CADM2: variants seen among roughly 807,000 people sequenced by gnomAD.
The protein encoded by CADM2 is cell adhesion molecule 2, also known as immunoglobulin superfamily member 4D.
Under a neutral mutation model 49.8 loss-of-function variants are expected in CADM2, and 12 were observed. The observed-to-expected ratio is 0.24, with a 90% confidence interval of 0.15 to 0.39. The LOEUF is 0.39. CADM2 is among the 10% of genes least tolerant of loss of function. CADM2 has a pLI of 1.00. For synonymous variants in CADM2, 214 were observed against 175.4 expected (o/e 1.22, Z -1.74); for missense variants, 378 against 492.3 (o/e 0.77, Z 2.20).
intron 1 of CADM2, among the ~76,000 whole-genome samples, chr3:85,693,882 C>A (rs1277067997): frequency 7.9e-6 from 1 of 126,430 alleles, no homozygotes; most frequent in African/African-American, 3.0e-5. Flanking sequence ...GGCTACAGAG[C>A]AAGACTCCCT....
At chr3:86,044,438 C>T (rs1348169533) in intron 8 of CADM2, among the ~76,000 whole-genome samples, 2 of 152,170 alleles carry the variant, frequency 1.3e-5, no homozygotes, top group African/African-American at 2.4e-5. Context: ...GACATTTATG[C>T]AGCCAAAAGA....
chr3:85,858,104 G>A (rs1208585401), intron 3 of CADM2, among the ~76,000 whole-genome samples: 1 of 152,184 alleles, frequency 6.6e-6, no homozygotes, highest in Non-Finnish European at 1.5e-5. Flanking sequence ...CTGTAAAATT[G>A]TAGTATGAAG....
At chr3:85,649,534 A>G (rs1264455362) in intron 1 of CADM2, among the ~76,000 whole-genome samples, 1 of 152,210 alleles carries the variant, frequency 6.6e-6, no homozygotes, top group Non-Finnish European at 1.5e-5. Flanking sequence ...TAACCCAGAC[A>G]ACTGTAATGT....
intron 3 of CADM2, among the ~76,000 whole-genome samples, chr3:85,835,458 G>A (rs931343398): frequency 1.3e-5 from 2 of 150,902 alleles, no homozygotes. Flanking sequence ...GCTTTGCTAT[G>A]TACTGAGTCT....
rs113406209 is a variant in CADM2, at chr3:85,112,078, C to T, written c.61+152410C>T. ...ATGTTTACCAACTTATAAAGCATTC[C>T]TTTCCTATCCTTCCACATAGTTACA... is the stretch of plus-strand genomic sequence containing the variant. On this transcript the variant is annotated intron_variant, in intron 1 of 9. Coordinates refer to ENST00000383699, the MANE Select transcript of CADM2 (RefSeq NM_001167675.2). Among the ~76,000 whole-genome samples, 334 of 151,930 alleles carry T rather than the reference C, an allele frequency of 2.2e-3. 3 individuals carry two copies. Among genetic ancestry groups the T allele is most frequent in the African/African-American group, 7.2e-3 (299 of 41,522 alleles).
intron 3 of CADM2, among the ~76,000 whole-genome samples, chr3:85,877,695 T>TG (rs1712114862): frequency 6.8e-6 from 1 of 146,960 alleles, no homozygotes; most frequent in Admixed American, 6.7e-5. Flanking sequence ...TTTTTTTTTT[T>TG]TTTTTTTTGG....
chr3:85,723,778 T>C (rs542080096), intron 1 of CADM2, among the ~76,000 whole-genome samples: 1 of 152,106 alleles, frequency 6.6e-6, no homozygotes, highest in Non-Finnish European at 1.5e-5. Context: ...AATGATTTCT[T>C]ATAAAAGATT....
At chr3:85,428,652 A>AATATATAATATATC (rs1027783602) in intron 1 of CADM2, among the ~76,000 whole-genome samples, 7 of 145,576 alleles carry the variant, frequency 4.8e-5, no homozygotes, top group Non-Finnish European at 1.0e-4. Context: ...AATTATATAA[A>AATATATAATATATC]ATATATAATA....
At chr3:85,680,399 T>A (rs1303832337) in intron 1 of CADM2, among the ~76,000 whole-genome samples, 1 of 152,150 alleles carries the variant, frequency 6.6e-6, no homozygotes, top group East Asian at 1.9e-4. Flanking sequence ...TTTATCATAA[T>A]AGAAAAACAA....
chr3:85,721,672 C>T (rs9824701), intron 1 of CADM2, among the ~76,000 whole-genome samples: 1 of 152,016 alleles, frequency 6.6e-6, no homozygotes, highest in African/African-American at 2.4e-5. Flanking sequence ...GCACCGGGAA[C>T]CAAGGTAGTG....
intron 8 of CADM2, among the ~76,000 whole-genome samples, chr3:86,008,262 A>G (rs907505684): frequency 6.6e-6 from 1 of 152,114 alleles, no homozygotes; most frequent in Non-Finnish European, 1.5e-5. Context: ...ATTCCTTCAT[A>G]CCTGTAGCAT....
At chr3:85,145,482 C>A (rs1028850669) in intron 1 of CADM2, among the ~76,000 whole-genome samples, 1 of 151,498 alleles carries the variant, frequency 6.6e-6, no homozygotes, top group Non-Finnish European at 1.5e-5. Flanking sequence ...ATATTATTTG[C>A]AATTTTTTTT....
At chr3:85,363,767 G>A (rs959322562) in intron 1 of CADM2, among the ~76,000 whole-genome samples, 1 of 151,970 alleles carries the variant, frequency 6.6e-6, no homozygotes, top group Non-Finnish European at 1.5e-5. Flanking sequence ...GCCCGCCACC[G>A]CGCCCGGCTA....
intron 3 of CADM2, among the ~76,000 whole-genome samples, chr3:85,823,070 T>A (rs2073690638): frequency 6.6e-6 from 1 of 152,142 alleles, no homozygotes; most frequent in Non-Finnish European, 1.5e-5. Flanking sequence ...CCAACCTACA[T>A]ATTTAAAACT....
rs150654368 is a variant in CADM2, at chr3:84,990,934, G to A, written c.61+31266G>A. Among the ~76,000 whole-genome samples, 674 of 152,066 alleles carry A rather than the reference G, an allele frequency of 4.4e-3. 1 individual carries two copies. Among genetic ancestry groups the A allele is most frequent in the African/African-American group, 0.016 (651 of 41,520 alleles). ...TTTCTTGTTTTATTTGAGAAATAAG[G>A]TAAAATAATTTATAGACCTGTATAA... On this transcript the variant is annotated intron_variant, in intron 1 of 9. Coordinates refer to ENST00000383699, the MANE Select transcript of CADM2 (RefSeq NM_001167675.2).
At chr3:85,288,828 A>C (rs1313375124) in intron 1 of CADM2, among the ~76,000 whole-genome samples, 5 of 127,066 alleles carry the variant, frequency 3.9e-5, no homozygotes, top group African/African-American at 1.4e-4. Flanking sequence ...TTTCTCAGAG[A>C]TGAATTGACA....
At chr3:85,590,656 G>T (rs2107340322) in intron 1 of CADM2, among the ~76,000 whole-genome samples, 1 of 152,004 alleles carries the variant, frequency 6.6e-6, no homozygotes, top group East Asian at 1.9e-4. Context: ...AGAATTAAAG[G>T]AAAGGCTTTG....
At chr3:85,106,409 C>G (rs1387040113) in intron 1 of CADM2, among the ~76,000 whole-genome samples, 2 of 152,050 alleles carry the variant, frequency 1.3e-5, no homozygotes, top group African/African-American at 4.8e-5. Context: ...TTTGTAGCAT[C>G]CACCTGGTTT....
At chr3:84,992,259 A>AG (rs2032933482) in intron 1 of CADM2, among the ~76,000 whole-genome samples, 1 of 152,128 alleles carries the variant, frequency 6.6e-6, no homozygotes, top group Admixed American at 6.5e-5. Flanking sequence ...TACTCCAAAA[A>AG]CAAAGTTTAT....
Sources: gnomAD v4.1 joint callset for allele counts (sites outside exome capture counted in the v4.1 genomes callset) on GRCh38, gnomAD v4.1.1 for gene constraint, MANE v1.5 for transcripts, NCBI Gene and HGNC (gene_info 2026-07-23, HGNC 2026-07-21) for gene names.